Variants in ARHGEF33 observed in about 807,000 individuals in gnomAD.
ARHGEF33 encodes the protein Rho guanine nucleotide exchange factor 33, also known as DH and coiled-coil domain-containing protein ENSP00000381780.
In ARHGEF33, 72 loss-of-function variants were observed where a neutral mutation model predicts 101.9. The ratio of observed to expected loss-of-function variants is 0.71; its 90% CI spans 0.58 to 0.86. The LOEUF is 0.86. Among genes scored for constraint, ARHGEF33 ranks in the 40% least tolerant of loss-of-function variants. ARHGEF33 has a pLI of 0.00. For missense variants in ARHGEF33, 1,169 were observed against 1,111.3 expected (o/e 1.05, Z -0.74); for synonymous variants, 499 against 442.5 (o/e 1.13, Z -1.60).
In ARHGEF33 at chr2:38,951,046, A is replaced by G. The variant is rs1161527820; in HGVS notation, c.978A>G (p.Ala326=). 2 of 1,552,126 alleles carry G rather than the reference A, an allele frequency of 1.3e-6. No individual in the cohort carries two copies. The highest frequency in any genetic ancestry group is 1.7e-6 in the Non-Finnish European group (2 of 1,147,052). The change falls in exon 11 of 18, where the codon GCA becomes GCG. Residue 326 remains alanine (A), a synonymous_variant. Transcript: ENST00000409978. The part of the protein sequence containing the change: ...LVQQHLDLLH[A]LQERVLKWPR... ...AGCAGCACCTGGATCTGCTTCACGC[A>G]CTGCAGGAAAGGGTCCTGAAGTGGC...
At chr2:38,961,091 A>G (rs999499402) in intron 16 of ARHGEF33, among the ~76,000 whole-genome samples, 1 of 152,080 alleles carries the variant, frequency 6.6e-6, no homozygotes, top group Non-Finnish European at 1.5e-5. Context: ...TGTCGTTTCT[A>G]TGTTGAGAAT....
intron 1 of ARHGEF33, among the ~76,000 whole-genome samples, chr2:38,894,278 G>A (rs1666071907): frequency 6.6e-6 from 1 of 151,932 alleles, no homozygotes; most frequent in African/African-American, 2.4e-5. Flanking sequence ...GCTGCAGAGA[G>A]CCACAATCAC....
intron 4 of ARHGEF33, among the ~76,000 whole-genome samples, chr2:38,924,437 T>C (rs2124994637): frequency 6.6e-6 from 1 of 152,266 alleles, no homozygotes; most frequent in Middle Eastern, 3.4e-3. Context: ...ATATAGATTA[T>C]TAAAATTATG....
Position 38,929,729 on chromosome 2 carries a change from G to C in ARHGEF33, c.261G>C (p.Met87Ile). The C allele has an allele frequency of 6.4e-7, 1 of 1,551,934 alleles. No individual in the cohort carries two copies. The highest frequency in any genetic ancestry group is 8.7e-7 in the Non-Finnish European group (1 of 1,146,898). ...TTTAGGAAGAGCTGAGCAATGCCAT[G>C]TCGATGATCCAAGCCATCACTTCCA... ...NYFKEELSNAMSMIQAITSKQ... is the reference protein window; with the variant it reads ...NYFKEELSNAISMIQAITSKQ... Residue 87 changes from methionine (M) to isoleucine (I), a missense_variant, in exon 6 of 18, where the codon ATG (methionine) becomes ATC (isoleucine). Transcript: ENST00000409978.
At position 38,960,012 on chromosome 2, in the gene ARHGEF33, C is replaced by T. The variant is rs1265423111; in HGVS notation, c.1707C>T (p.Ala569=). 3.2e-6 allele frequency: 5 copies of T among 1,548,520 alleles called. No homozygotes were observed. Among genetic ancestry groups the T allele is most frequent in the Non-Finnish European group, 8.7e-7 (1 of 1,145,600 alleles). The part of the protein sequence containing the change: ...CAAEQDVKAL[A]GPLQAIPEMD... ...CCGAGCAGGACGTGAAGGCGCTGGC[C>T]GGGCCCCTGCAGGCCATCCCGGAGA... Residue 569 remains alanine, a synonymous_variant, in exon 16 of 18, where the codon GCC becomes GCT. Coordinates refer to ENST00000409978, the MANE Select transcript of ARHGEF33 (RefSeq NM_001145451.5).
chr2:38,903,105 G>A (rs987240071), intron 2 of ARHGEF33, among the ~76,000 whole-genome samples: 1 of 152,124 alleles, frequency 6.6e-6, no homozygotes, highest in African/African-American at 2.4e-5. Flanking sequence ...ATCCCTTATA[G>A]CCCAGGATTT....
intron 2 of ARHGEF33, among the ~76,000 whole-genome samples, chr2:38,902,780 A>C (rs1413608250): frequency 2.0e-5 from 3 of 152,218 alleles, no homozygotes; most frequent in Non-Finnish European, 2.9e-5. Context: ...GGGCACTGAT[A>C]AGCCAAGATG....
Position 38,958,260 on chromosome 2 carries a change from C to T in ARHGEF33, c.1535+62C>T, listed in dbSNP as rs538035100. The T allele has an allele frequency of 3.1e-5, 48 of 1,534,048 alleles. No individual in the cohort carries two copies. The East Asian group carries it at 3.4e-4, about 11-fold the overall frequency. ...GCCTTTGGGACCCAGCCAGTCTGTG[C>T]GGGTTAGCAGGGCAGCCTAGATTCC... On this transcript the variant is annotated intron_variant, in intron 15 of 17. Coordinates refer to ENST00000409978, the MANE Select transcript of ARHGEF33 (RefSeq NM_001145451.5).
chr2:38,953,852 A>G (rs1667673985), intron 12 of ARHGEF33, among the ~76,000 whole-genome samples: 1 of 152,230 alleles, frequency 6.6e-6, no homozygotes, highest in African/African-American at 2.4e-5. Flanking sequence ...TATAATGCCT[A>G]CCATGTTAGC....
chr2:38,914,825 G>A (rs974375396), intron 2 of ARHGEF33, among the ~76,000 whole-genome samples: 3 of 152,038 alleles, frequency 2.0e-5, no homozygotes, highest in African/African-American at 7.2e-5. Context: ...ATGATTGTGT[G>A]CAATTATATG....
intron 10 of ARHGEF33, among the ~76,000 whole-genome samples, chr2:38,946,326 T>C (rs1020187761): frequency 6.6e-6 from 1 of 151,486 alleles, no homozygotes; most frequent in Admixed American, 6.6e-5. Flanking sequence ...TCCTACGAGA[T>C]TGAAAAATTA....
chr2:38,969,753 A>G (rs528062831), intron 17 of ARHGEF33: 1 of 152,348 alleles, frequency 6.6e-6, no homozygotes, highest in South Asian at 2.1e-4. Context: ...AAGTGATTTT[A>G]CACATTTTAA....
At chr2:38,942,723 C>T (rs1388853947) in intron 9 of ARHGEF33, among the ~76,000 whole-genome samples, 3 of 151,892 alleles carry the variant, frequency 2.0e-5, no homozygotes, top group African/African-American at 7.3e-5. Flanking sequence ...GTCCCCCCTC[C>T]TTATAAAAAA....
At chr2:38,963,455 C>A (rs1355132518) in intron 16 of ARHGEF33, among the ~76,000 whole-genome samples, 2 of 152,166 alleles carry the variant, frequency 1.3e-5, no homozygotes, top group Non-Finnish European at 2.9e-5. Flanking sequence ...CTCTGCTGCA[C>A]AGTAGCTGTG....
At chr2:38,892,500 A>G (rs571380627) in intron 1 of ARHGEF33, among the ~76,000 whole-genome samples, 1 of 152,294 alleles carries the variant, frequency 6.6e-6, no homozygotes, top group East Asian at 1.9e-4. Context: ...ACAATGGGAA[A>G]GAAAGGATGG....
intron 1 of ARHGEF33, among the ~76,000 whole-genome samples, 177 bp from the exon 2 acceptor site, chr2:38,895,600 G>T (rs181303652): frequency 1.3e-5 from 2 of 151,998 alleles, no homozygotes; most frequent in African/African-American, 4.8e-5. Flanking sequence ...AAGACTAAAA[G>T]AAACAAAGAC....
intron 10 of ARHGEF33, among the ~76,000 whole-genome samples, chr2:38,949,229 G>GA (rs1312678883): frequency 6.6e-6 from 1 of 152,114 alleles, no homozygotes; most frequent in Non-Finnish European, 1.5e-5. Context: ...AGTTGTCCAC[G>GA]AGTTTACTCT....
At chr2:38,935,124 T>C (rs1289724626) in intron 7 of ARHGEF33, among the ~76,000 whole-genome samples, 2 of 151,876 alleles carry the variant, frequency 1.3e-5, no homozygotes, top group African/African-American at 4.8e-5. Flanking sequence ...TATAAGGGCT[T>C]TGGCTTTTAC....
chr2:38,963,397 C>T (rs1667988939), intron 16 of ARHGEF33, among the ~76,000 whole-genome samples: 1 of 152,148 alleles, frequency 6.6e-6, no homozygotes, highest in Admixed American at 6.5e-5. Context: ...AGATGGTATG[C>T]TCTAGTGAGA....
Sources: allele counts gnomAD v4.1 joint callset (sites outside exome capture counted in the v4.1 genomes callset), GRCh38; gene constraint gnomAD v4.1.1; transcripts MANE v1.5; gene names NCBI Gene and HGNC (gene_info 2026-07-23, HGNC 2026-07-21).